Variants in CHKA observed in about 807,000 individuals in gnomAD.
CHKA encodes the protein CHETK-alpha.
A neutral mutation model predicts 60.1 loss-of-function variants in CHKA; 34 were observed. The observed-to-expected ratio is 0.57, with a 90% CI of 0.43 to 0.75. The LOEUF is 0.75. CHKA is among the 30% of genes least tolerant of loss of function. The probability of loss-of-function intolerance (pLI) is 0.00; values close to 1 mark genes in which losing one functional copy is unlikely to be tolerated. For synonymous variants in CHKA, 217 were observed against 223.1 expected (o/e 0.97, Z 0.24); for missense variants, 563 against 561.3 (o/e 1.00, Z -0.03).
At chr11:68,090,121 A>T (rs1165213493) in intron 2 of CHKA, among the ~76,000 whole-genome samples, 1 of 152,242 alleles carries the variant, frequency 6.6e-6, no homozygotes, top group African/African-American at 2.4e-5. Context: ...TTATTTGGTT[A>T]TCAAAAGAAG....
intron 3 of CHKA, among the ~76,000 whole-genome samples, chr11:68,076,940 G>C (rs911809899): frequency 6.6e-6 from 1 of 152,136 alleles, no homozygotes; most frequent in Non-Finnish European, 1.5e-5. Flanking sequence ...GAAGGATTTG[G>C]AGAGGAAGAA....
chr11:68,053,788 A>T lies in CHKA; in HGVS notation c.*200T>A. ...TTTCTGCTTCCCGATCTCGTTTCTG[A>T]GTCCTAGTGAAATCGTAAACAAGAG... On this transcript the variant is annotated 3_prime_UTR_variant, in exon 12 of 12. Transcript: ENST00000265689. 2.0e-6 allele frequency: 1 copy of T among 508,208 alleles called. No individual in the cohort carries two copies. The highest frequency in any genetic ancestry group is 3.6e-5 in the Admixed American group (1 of 27,804). 31.5% of individuals were successfully genotyped at this position (508,208 alleles called of 1,614,324 possible).
intron 11 of CHKA, 198 bp downstream of exon 11, chr11:68,061,755 G>A: frequency 1.6e-6 from 1 of 619,918 alleles, no homozygotes; most frequent in East Asian, 3.2e-5. Flanking sequence ...CACAGCATCA[G>A]TGACAGCGGC....
chr11:68,095,755 C>T (rs560432781), intron 2 of CHKA, among the ~76,000 whole-genome samples: 71 of 136,234 alleles, frequency 5.2e-4, no homozygotes, highest in African/African-American at 1.8e-3. Flanking sequence ...CAAAATCCTA[C>T]CACAGGCCAG....
intron 11 of CHKA, among the ~76,000 whole-genome samples, chr11:68,061,304 C>T (rs887733940): frequency 1.3e-5 from 2 of 151,892 alleles, no homozygotes; most frequent in African/African-American, 4.8e-5. Flanking sequence ...TGGGGTTTCC[C>T]CACGTTGGCC....
chr11:68,060,670 A>G (rs1856202772), intron 11 of CHKA, among the ~76,000 whole-genome samples: 1 of 152,178 alleles, frequency 6.6e-6, no homozygotes, highest in Admixed American at 6.5e-5. Context: ...GTCAGTTTTA[A>G]TATCATGTCT....
chr11:68,086,359 C>T (rs1004907911), intron 2 of CHKA, among the ~76,000 whole-genome samples: 8 of 152,028 alleles, frequency 5.3e-5, no homozygotes, highest in African/African-American at 1.9e-4. Context: ...AAGACAACTC[C>T]AGGACCAAGG....
rs1319494303 is a variant in CHKA, at chr11:68,120,851, G to A, written c.327C>T (p.Asp109=). 3.0e-6 allele frequency: 4 copies of A among 1,334,790 alleles called. No individual in the cohort carries two copies. In the African/African-American group the frequency reaches 4.6e-5, roughly 15 times the overall value. The allele number at this position is 1,334,790 out of a possible 1,614,324, so 82.7% of individuals were successfully genotyped here. A position where few individuals can be genotyped will look rare whatever the true frequency, so the allele number is the denominator to read the frequency against. The change falls in exon 1 of 12, where the codon GAC becomes GAT. Residue 109 remains aspartate (D), a synonymous_variant. Coordinates refer to ENST00000265689, the MANE Select transcript of CHKA (RefSeq NM_001277.3). ...ACCTGATGACACTGATGTGGAACTC[G>A]TCCTCGCGGAGGCCCCGCCAGGCGC... The part of the protein sequence containing the change: ...LPGAWRGLRE[D]EFHISVIRGG...
chr11:68,064,348 C>A (rs1856364611), intron 10 of CHKA, among the ~76,000 whole-genome samples, 177 bp downstream of exon 10: 1 of 151,526 alleles, frequency 6.6e-6, no homozygotes, highest in African/African-American at 2.4e-5. Context: ...GCGGAGGTTG[C>A]AGTGAGCCGA....
rs372074647 is a variant in CHKA, at chr11:68,113,552, C to T, written c.350+7276G>A. ...TCTACTAAAAATACAAAAAATTAGC[C>T]GGGCATGGTGGCAGGCGCCTGTAAT... On this transcript the variant is annotated intron_variant, in intron 1 of 11. Coordinates refer to ENST00000265689, the MANE Select transcript of CHKA (RefSeq NM_001277.3). 2.3e-4 allele frequency among the ~76,000 whole-genome samples: 35 copies of T among 151,826 alleles called. No individual in the cohort carries two copies. The East Asian group carries it at 5.0e-3, about 22-fold the overall frequency.
chr11:68,102,902 A>G (rs1857778260), intron 1 of CHKA, among the ~76,000 whole-genome samples: 2 of 152,198 alleles, frequency 1.3e-5, no homozygotes, highest in Non-Finnish European at 2.9e-5. Context: ...CTGAGGCAAG[A>G]GGATCACTAG....
intron 11 of CHKA, among the ~76,000 whole-genome samples, chr11:68,057,463 G>C (rs1272377561): frequency 6.6e-6 from 1 of 152,078 alleles, no homozygotes; most frequent in Non-Finnish European, 1.5e-5. Flanking sequence ...GGGACTACAG[G>C]CACCTGCCAC....
In CHKA at chr11:68,053,777, T is replaced by C. The variant is rs906160582; in HGVS notation, c.*211A>G. ...ATTGCACTATATTTCTGCTTCCCGATCTCGTTTCTGAGTCCTAGTGAAATC... is the reference window on the plus strand; with the variant it reads ...ATTGCACTATATTTCTGCTTCCCGACCTCGTTTCTGAGTCCTAGTGAAATC... On this transcript the variant is annotated 3_prime_UTR_variant, in exon 12 of 12. Transcript: ENST00000265689. The C allele has an allele frequency of 1.2e-5, 6 of 507,796 alleles. No individual in the cohort carries two copies. Among genetic ancestry groups the C allele is most frequent in the Non-Finnish European group, 2.1e-5 (6 of 283,610 alleles). 31.5% of individuals were successfully genotyped at this position (507,796 alleles called of 1,614,324 possible). A position where few individuals can be genotyped will look rare whatever the true frequency, so the allele number is the denominator to read the frequency against.
chr11:68,113,768 G>A (rs1057391749), intron 1 of CHKA, among the ~76,000 whole-genome samples: 11 of 152,154 alleles, frequency 7.2e-5, no homozygotes, highest in Non-Finnish European at 1.3e-4. Context: ...GCCGAGGCAG[G>A]TGGATCACCT....
intron 5 of CHKA, 31 bp from the exon 6 acceptor site, chr11:68,070,324 C>T (rs1238841156): frequency 7.1e-7 from 1 of 1,410,754 alleles, no homozygotes; most frequent in East Asian, 2.3e-5. Context: ...AAGAACAGAA[C>T]AAAGAATCAC....
chr11:68,064,401 C>G, intron 10 of CHKA, 124 bp downstream of exon 10: 1 of 518,814 alleles, frequency 1.9e-6, no homozygotes, highest in Non-Finnish European at 3.3e-6. Context: ...GAGCAAGACT[C>G]TGTCTCAAAA....
rs185328983 is a variant in CHKA, at chr11:68,099,597, A to G, written c.351-2467T>C. On this transcript the variant is annotated intron_variant, in intron 1 of 11. Coordinates refer to ENST00000265689, the MANE Select transcript of CHKA (RefSeq NM_001277.3). ...GCTGTGAAGCAGGCCGACAGCGTGT[A>G]GATCAAAGGAACCAAAAGCAGCCTT... Among the ~76,000 whole-genome samples, 17 of 152,336 alleles carry G rather than the reference A, an allele frequency of 1.1e-4. No individual in the cohort carries two copies. In the East Asian group the frequency reaches 3.3e-3, roughly 29 times the overall value.
chr11:68,063,152 A>G (rs1163018609), intron 10 of CHKA, among the ~76,000 whole-genome samples: 1 of 152,144 alleles, frequency 6.6e-6, no homozygotes, highest in Admixed American at 6.6e-5. Context: ...TCTAGGAGAA[A>G]CTTAAGAGTT....
In CHKA at chr11:68,066,660, G is replaced by T. The variant is rs946905700; in HGVS notation, c.929-144C>A. 3.7e-5 allele frequency: 25 copies of T among 683,512 alleles called. No individual in the cohort carries two copies. The African/African-American group carries it at 3.9e-4, about 11-fold the overall frequency. The allele number at this position is 683,512 out of a possible 1,614,324, so 42.3% of individuals were successfully genotyped here. On this transcript the variant is annotated intron_variant, in intron 7 of 11. Transcript: ENST00000265689. ...GGTCTGTGGACATCACCAGGGCCTA[G>T]ACAGAGCGTAGAAGTGCTCACGGGA...
Sources: gnomAD v4.1 joint callset for allele counts (sites outside exome capture counted in the v4.1 genomes callset) on GRCh38, gnomAD v4.1.1 for gene constraint, MANE v1.5 for transcripts, NCBI Gene and HGNC (gene_info 2026-07-23, HGNC 2026-07-21) for gene names.